TDRD12: variants seen among roughly 807,000 people sequenced by gnomAD.
TDRD12 encodes the protein putative ATP-dependent RNA helicase TDRD12.
Under a neutral mutation model 133.5 loss-of-function variants are expected in TDRD12, and 158 were observed. The observed-to-expected ratio is 1.18, with a 90% CI of 1.04 to 1.35. The LOEUF is 1.35. Among genes scored for constraint, TDRD12 ranks in the 40% most tolerant of loss-of-function variants. The probability of loss-of-function intolerance (pLI) is 0.00; values close to 1 mark genes in which losing one functional copy is unlikely to be tolerated. For missense variants in TDRD12, 1,443 were observed against 1,321.3 expected, an observed-to-expected ratio of 1.09 and a Z score of -1.43; for synonymous variants, 460 against 477.9, an observed-to-expected ratio of 0.96 and a Z score of 0.49.
chr19:32,731,117 G>A (rs1474366161), intron 1 of TDRD12, among the ~76,000 whole-genome samples: 1 of 152,126 alleles, frequency 6.6e-6, no homozygotes, highest in Non-Finnish European at 1.5e-5. Flanking sequence ...ATTCCAGGAA[G>A]TCTGACTTTC....
chr19:32,778,146 T>C (rs1406159348), intron 11 of TDRD12, among the ~76,000 whole-genome samples: 1 of 151,960 alleles, frequency 6.6e-6, no homozygotes, highest in African/African-American at 2.4e-5. Context: ...TTTCCACTGG[T>C]TGGCCTTGGG....
chr19:32,820,348 G>A (rs1233012070), intron 27 of TDRD12, among the ~76,000 whole-genome samples: 2 of 152,314 alleles, frequency 1.3e-5, no homozygotes, highest in African/African-American at 4.8e-5. Context: ...CCACGAGGAA[G>A]GGAGCTGGCT....
At chr19:32,786,756 T>G (rs1970918865) in intron 11 of TDRD12, among the ~76,000 whole-genome samples, 1 of 152,214 alleles carries the variant, frequency 6.6e-6, no homozygotes, top group African/African-American at 2.4e-5. Context: ...GTTCCCGTAC[T>G]GTGGTTTTCA....
intron 1 of TDRD12, among the ~76,000 whole-genome samples, chr19:32,727,653 C>A (rs551036245): frequency 6.6e-6 from 1 of 151,950 alleles, no homozygotes; most frequent in African/African-American, 2.4e-5. Flanking sequence ...CAAATTTATT[C>A]TTTCATTTTT....
intron 3 of TDRD12, 48 bp downstream of exon 3, chr19:32,739,040 C>T: frequency 6.5e-7 from 1 of 1,545,150 alleles, no homozygotes; most frequent in Non-Finnish European, 8.7e-7. Context: ...AGACAAATGT[C>T]AGTTTCAAAG....
downstream of TDRD12, chr19:32,821,264 CTG>C (rs1316933060): frequency 4.6e-6 from 4 of 869,586 alleles, no homozygotes; most frequent in East Asian, 5.3e-5. Context: ...TATCACCTAA[CTG>C]TTCTTATTTT....
At chr19:32,722,545 G>A (rs1373964951) in intron 1 of TDRD12, among the ~76,000 whole-genome samples, 2 of 152,092 alleles carry the variant, frequency 1.3e-5, no homozygotes, top group African/African-American at 4.8e-5. Context: ...ATCAACAGAT[G>A]ACTGGGTAAA....
Position 32,787,334 on chromosome 19 carries a change from G to A in TDRD12, c.1122-3197G>A, listed in dbSNP as rs569811640. 1.1e-3 allele frequency among the ~76,000 whole-genome samples: 161 copies of A among 152,196 alleles called. 8 individuals carry two copies. The highest frequency in any genetic ancestry group is 9.6e-3 in the Admixed American group (147 of 15,260). ...CACCCACCTGTATGAGGTGTCTGTC[G>A]GCCCCTACTGGGAGATGTCTCCCAG... On this transcript the variant is annotated intron_variant, in intron 11 of 27. Transcript: ENST00000444215.
exon 1 of TDRD12, chr19:32,719,999 C>A (rs935709548): frequency 2.0e-6 from 3 of 1,521,110 alleles, no homozygotes; most frequent in African/African-American, 2.8e-5. Context: ...CCGGGGCGGA[C>A]GCAGCCAGCC....
intron 8 of TDRD12, among the ~76,000 whole-genome samples, chr19:32,768,846 G>A (rs1018602019): frequency 6.6e-5 from 10 of 152,084 alleles, no homozygotes; most frequent in African/African-American, 2.4e-4. Flanking sequence ...TGTTCCTTTT[G>A]GCAATTCGTC....
intron 13 of TDRD12, among the ~76,000 whole-genome samples, chr19:32,791,550 A>C (rs188359136): frequency 6.6e-6 from 1 of 152,326 alleles, no homozygotes; most frequent in Admixed American, 6.5e-5. Flanking sequence ...GACAAATAGC[A>C]TGAGAGAGAA....
chr19:32,744,686 C>T (rs543570447), intron 4 of TDRD12, among the ~76,000 whole-genome samples: 3 of 152,094 alleles, frequency 2.0e-5, no homozygotes, highest in East Asian at 1.9e-4. Flanking sequence ...CTCTCGGGTG[C>T]GGGCGCCATG....
At chr19:32,810,405 C>T in intron 23 of TDRD12, 128 bp downstream of exon 23, 1 of 685,562 alleles carries the variant, frequency 1.5e-6, no homozygotes, top group Non-Finnish European at 2.3e-6. Context: ...GCGGGGTGTC[C>T]CCCCAGATGC....
At chr19:32,815,126 C>T (rs535258859) in intron 25 of TDRD12, among the ~76,000 whole-genome samples, 48 of 151,824 alleles carry the variant, frequency 3.2e-4, no homozygotes, top group African/African-American at 1.1e-3. Context: ...GAAAGATGTA[C>T]GAATTATGCA....
At chr19:32,729,038 A>G (rs1431701219) in intron 1 of TDRD12, among the ~76,000 whole-genome samples, 1 of 149,642 alleles carries the variant, frequency 6.7e-6, no homozygotes, top group Non-Finnish European at 1.5e-5. Context: ...ATACATATCT[A>G]TATACATATA....
chr19:32,738,436 G>A (rs573835053), intron 2 of TDRD12, among the ~76,000 whole-genome samples: 2 of 152,302 alleles, frequency 1.3e-5, no homozygotes, highest in East Asian at 1.9e-4. Context: ...TTCCTCTGCT[G>A]TAAAGGAGAA....
chr19:32,805,125 C>T (rs1238777038), intron 21 of TDRD12, among the ~76,000 whole-genome samples: 5 of 149,124 alleles, frequency 3.4e-5, no homozygotes, highest in African/African-American at 1.2e-4. Context: ...CACAGAGACC[C>T]CGTCTCTTTA....
chr19:32,726,985 A>T (rs530929458), intron 1 of TDRD12, among the ~76,000 whole-genome samples: 1 of 152,296 alleles, frequency 6.6e-6, no homozygotes, highest in South Asian at 2.1e-4. Context: ...TGGTAATTAT[A>T]GTTTTAATTT....
chr19:32,820,966 G>T (rs764311083), intron 27 of TDRD12, 67 bp from the exon 28 acceptor site: 1 of 1,309,132 alleles, frequency 7.6e-7, no homozygotes, highest in South Asian at 1.3e-5. Flanking sequence ...TTTATTGCCT[G>T]CCTTCCTCTT....
Sources: allele counts gnomAD v4.1 joint callset (sites outside exome capture counted in the v4.1 genomes callset), GRCh38; gene constraint gnomAD v4.1.1; transcripts MANE v1.5; gene names NCBI Gene and HGNC (gene_info 2026-07-23, HGNC 2026-07-21).